The following EYS variants were observed in gnomAD, a reference collection of about 807,000 sequenced individuals.
EYS encodes the protein protein eyes shut homolog.
A neutral mutation model predicts 282.1 loss-of-function variants in EYS; 250 were observed. The ratio of observed to expected loss-of-function variants is 0.89; its 90% CI spans 0.80 to 0.98. The LOEUF (loss-of-function observed/expected upper bound fraction) is 0.98, where lower values mean the gene tolerates loss of function less well. EYS is among the 50% of genes least tolerant of loss of function. The probability of loss-of-function intolerance (pLI) is 0.00; values close to 1 mark genes in which losing one functional copy is unlikely to be tolerated. For missense variants in EYS, 4,016 were observed against 3,709.0 expected (o/e 1.08, Z -2.15); for synonymous variants, 1,355 against 1,282.9 (o/e 1.06, Z -1.20).
intron 31 of EYS, among the ~76,000 whole-genome samples, chr6:64,147,979 G>A (rs1774575809): frequency 2.0e-5 from 3 of 152,138 alleles, no homozygotes; most frequent in African/African-American, 7.2e-5. Flanking sequence ...TAAACTGACC[G>A]AGTGGCAGAA....
At chr6:65,141,049 T>G (rs1764324361) in intron 12 of EYS, among the ~76,000 whole-genome samples, 1 of 151,728 alleles carries the variant, frequency 6.6e-6, no homozygotes, top group African/African-American at 2.4e-5. Context: ...ACACGTATGT[T>G]TATTGCGGCA....
chr6:64,501,035 T>G (rs928459725), intron 26 of EYS, among the ~76,000 whole-genome samples: 1 of 151,608 alleles, frequency 6.6e-6, no homozygotes, highest in Non-Finnish European at 1.5e-5. Flanking sequence ...AGAGTTTTTT[T>G]TTTTTTTTTT....
At chr6:64,342,434 T>A (rs1259260514) in intron 29 of EYS, among the ~76,000 whole-genome samples, 5 of 151,942 alleles carry the variant, frequency 3.3e-5, no homozygotes, top group African/African-American at 1.2e-4. Context: ...GAAAAGAATT[T>A]TCAACCTAGA....
intron 22 of EYS, among the ~76,000 whole-genome samples, chr6:64,681,734 C>A (rs1769905629): frequency 1.3e-5 from 2 of 152,112 alleles, no homozygotes; most frequent in South Asian, 4.1e-4. Context: ...AAGGAGAGCG[C>A]TTTATTATTA....
chr6:64,498,455 T>C (rs10494882), intron 26 of EYS, among the ~76,000 whole-genome samples: 62,880 of 151,722 alleles, frequency 0.41, 13,570 homozygotes, highest in African/African-American at 0.56. Context: ...TTAGCTCTTA[T>C]ATACTCATTT....
At chr6:63,992,530 G>A (rs1767649725) in intron 34 of EYS, among the ~76,000 whole-genome samples, 1 of 151,658 alleles carries the variant, frequency 6.6e-6, no homozygotes, top group Admixed American at 6.6e-5. Context: ...AAGGAATAGA[G>A]TTTTAGTATG....
At chr6:64,965,030 T>C (rs1770047160) in intron 14 of EYS, among the ~76,000 whole-genome samples, 1 of 151,886 alleles carries the variant, frequency 6.6e-6, no homozygotes, top group Non-Finnish European at 1.5e-5. Context: ...AGACTCCATC[T>C]CAAAAAAATA....
intron 8 of EYS, among the ~76,000 whole-genome samples, chr6:65,375,461 A>G (rs1187783033): frequency 1.3e-5 from 2 of 152,138 alleles, no homozygotes; most frequent in African/African-American, 4.8e-5. Flanking sequence ...GAAAATTCCA[A>G]AAACCAGAAT....
At chr6:64,640,789 A>C (rs2149870472) in intron 22 of EYS, among the ~76,000 whole-genome samples, 1 of 152,328 alleles carries the variant, frequency 6.6e-6, no homozygotes, top group African/African-American at 2.4e-5. Context: ...TTCATGATGA[A>C]AACAAAACAA....
At chr6:65,179,233 G>C (rs1222485812) in intron 12 of EYS, among the ~76,000 whole-genome samples, 1 of 145,798 alleles carries the variant, frequency 6.9e-6, no homozygotes, top group Non-Finnish European at 1.5e-5. Flanking sequence ...GAAGGAAATA[G>C]AGACACAAAA....
chr6:65,392,092 T>C (rs1043544688), intron 7 of EYS, among the ~76,000 whole-genome samples: 5 of 152,102 alleles, frequency 3.3e-5, no homozygotes, highest in Non-Finnish European at 5.9e-5. Context: ...ATTTAATAAA[T>C]GGTGCTGGGG....
intron 26 of EYS, among the ~76,000 whole-genome samples, chr6:64,443,687 C>A (rs891928169): frequency 1.3e-5 from 2 of 152,106 alleles, no homozygotes; most frequent in East Asian, 1.9e-4. Context: ...ACAAGAGTTT[C>A]TCTCTTTGCC....
At chr6:64,381,638 T>C (rs566224169) in intron 29 of EYS, among the ~76,000 whole-genome samples, 7 of 152,340 alleles carry the variant, frequency 4.6e-5, no homozygotes. Flanking sequence ...AAGACTTTTG[T>C]TATGAACATT....
chr6:64,279,752 T>A (rs992348350), intron 30 of EYS, among the ~76,000 whole-genome samples: 1 of 152,202 alleles, frequency 6.6e-6, no homozygotes, highest in East Asian at 1.9e-4. Context: ...AGCAGCCTGT[T>A]GTTCCTTTTT....
intron 35 of EYS, among the ~76,000 whole-genome samples, chr6:63,870,955 G>C (rs547605265): frequency 6.6e-6 from 1 of 152,188 alleles, no homozygotes; most frequent in South Asian, 2.1e-4. Context: ...TCGTTGTTCA[G>C]ATCTTTCCCA....
intron 26 of EYS, among the ~76,000 whole-genome samples, chr6:64,531,631 C>T (rs1217044745): frequency 7.6e-6 from 1 of 131,338 alleles, no homozygotes; most frequent in African/African-American, 2.6e-5. Context: ...CAGGGTTTCA[C>T]CGTGTTAGCC....
At chr6:65,091,155 C>T (rs1473454542) in intron 12 of EYS, among the ~76,000 whole-genome samples, 4 of 151,050 alleles carry the variant, frequency 2.6e-5, no homozygotes, top group African/African-American at 9.7e-5. Context: ...TAAAAACTGC[C>T]AGGCACGGTG....
At chr6:65,189,568 T>G (rs531032521) in intron 12 of EYS, among the ~76,000 whole-genome samples, 7 of 151,878 alleles carry the variant, frequency 4.6e-5, no homozygotes, top group African/African-American at 1.4e-4. Context: ...TAAATAAAAT[T>G]TATTAATTAT....
chr6:64,639,385 T>C (rs1768056397), intron 22 of EYS, among the ~76,000 whole-genome samples: 1 of 91,474 alleles, frequency 1.1e-5, no homozygotes, highest in Admixed American at 1.2e-4. Context: ...TTTCATCAAT[T>C]TGTGGCTTTT....
Sources: gnomAD v4.1 joint callset for allele counts (sites outside exome capture counted in the v4.1 genomes callset) on GRCh38, gnomAD v4.1.1 for gene constraint, MANE v1.5 for transcripts, NCBI Gene and HGNC (gene_info 2026-07-23, HGNC 2026-07-21) for gene names.